DIS3L: variants seen among roughly 807,000 people sequenced by gnomAD.
DIS3L encodes the protein DIS3 like exosome 3'-5' exoribonuclease.
DIS3L carries 100 observed loss-of-function variants against 120.3 expected under a neutral mutation model. The ratio of observed to expected loss-of-function variants is 0.83; its 90% CI spans 0.71 to 0.98. The LOEUF is 0.98. Ranked by LOEUF, DIS3L falls within the 50% of genes least tolerant of loss-of-function variation. DIS3L has a pLI of 0.00. For synonymous variants in DIS3L, 426 were observed against 470.6 expected (o/e 0.91, Z 1.23); for missense variants, 1,196 against 1,314.2 (o/e 0.91, Z 1.39).
intron 14 of DIS3L, 105 bp from the exon 15 acceptor site, chr15:66,331,770 A>G: frequency 7.8e-7 from 1 of 1,274,602 alleles, no homozygotes; most frequent in South Asian, 2.4e-5. Flanking sequence ...AACAATTTTT[A>G]TATTAATAGT....
intron 3 of DIS3L, 101 bp from the exon 4 acceptor site, chr15:66,308,608 T>C (rs1174927389): frequency 1.4e-6 from 2 of 1,407,312 alleles, no homozygotes; most frequent in Non-Finnish European, 1.9e-6. Flanking sequence ...TGAATGGTTA[T>C]CTATATAGTC....
chr15:66,330,967 C>G (rs907312407), intron 14 of DIS3L, among the ~76,000 whole-genome samples: 1 of 152,088 alleles, frequency 6.6e-6, no homozygotes, highest in African/African-American at 2.4e-5. Flanking sequence ...GCAGCCTGGC[C>G]AACATGGTGA....
At chr15:66,317,259 AG>A (rs1189994606) in intron 7 of DIS3L, among the ~76,000 whole-genome samples, 1 of 151,774 alleles carries the variant, frequency 6.6e-6, no homozygotes, top group Non-Finnish European at 1.5e-5. Context: ...CTTGAAATCA[AG>A]GACTTTGCCT....
At chr15:66,296,817 C>T (rs1192240191) in intron 2 of DIS3L, among the ~76,000 whole-genome samples, 6 of 152,162 alleles carry the variant, frequency 3.9e-5, no homozygotes, top group Non-Finnish European at 5.9e-5. Flanking sequence ...CCACTGTGCC[C>T]GGCCCAAAAT....
Position 66,330,619 on chromosome 15 carries a change from A to T in DIS3L, c.2535+1220A>T, listed in dbSNP as rs1003966570. On this transcript the variant is annotated intron_variant, in intron 14 of 16. Coordinates refer to ENST00000319212, the MANE Select transcript of DIS3L (RefSeq NM_001143688.3). ...AATTTGTCTCAGTAGAAATTTGGCC[A>T]GTGTCTCAGTCACACTGGCCACATT... is the stretch of plus-strand genomic sequence containing the variant. 4 of 888,508 alleles carry T rather than the reference A, an allele frequency of 4.5e-6. No homozygotes were observed. In the African/African-American group the frequency reaches 7.2e-5, roughly 16 times the overall value. 55.0% of individuals were successfully genotyped at this position (888,508 alleles called of 1,614,324 possible).
At position 66,311,763 on chromosome 15, in the gene DIS3L, C is replaced by G. The variant is rs1288669796; in HGVS notation, c.598C>G (p.His200Asp). Reference protein sequence around the residue: ...DNFWPDLKAAHELCDSILQSR... With the variant: ...DNFWPDLKAADELCDSILQSR... ...TTTCTGGCCTGATTTAAAAGCTGCC[C>G]ACGAGCTTTGTGATTCTATCCTTCA... The change falls in exon 5 of 17, where the codon CAC (histidine) becomes GAC (aspartate). Residue 200 changes from histidine to aspartate, a missense_variant. By Grantham distance (81) the His-to-Asp change is moderately conservative (BLOSUM62 -1). Coordinates refer to ENST00000319212, the MANE Select transcript of DIS3L (RefSeq NM_001143688.3). 6.2e-7 allele frequency: 1 copy of G among 1,614,088 alleles called. No individual in the cohort carries two copies. The highest frequency in any genetic ancestry group is 1.7e-5 in the Admixed American group (1 of 60,004).
intron 2 of DIS3L, among the ~76,000 whole-genome samples, chr15:66,303,818 G>A (rs1001633268): frequency 2.0e-5 from 3 of 152,090 alleles, no homozygotes; most frequent in African/African-American, 4.8e-5. Flanking sequence ...TAGGCCGGGC[G>A]CGGTGGCTCA....
chr15:66,294,217 A>C, intron 1 of DIS3L: 1 of 985,410 alleles, frequency 1.0e-6, no homozygotes, highest in Non-Finnish European at 1.2e-6. Flanking sequence ...CTTTTCCCCC[A>C]GTGGAGAGCC....
chr15:66,293,562 C>T (rs565794629), upstream of DIS3L: 17,210 of 1,405,170 alleles, frequency 0.012, 138 homozygotes, highest in Non-Finnish European at 0.015. Flanking sequence ...CTCCGCCGCG[C>T]CCGCCACTCC....
At position 66,315,086 on chromosome 15, in the gene DIS3L, A is replaced by G. The variant is rs367595589; in HGVS notation, c.865A>G (p.Ile289Val). The G allele has an allele frequency of 8.7e-6, 14 of 1,614,030 alleles. No homozygotes were observed. The highest frequency in any genetic ancestry group is 2.2e-5 in the South Asian group (2 of 91,088). ...IHGMKARNRS[I>V]HGDVVVVELL... ...CGGGATGAAGGCTCGAAACCGCTCA[A>G]TTCATGGAGATGTGGTAGTTGTGGA... The change falls in exon 7 of 17, where the codon ATT becomes GTT. Residue 289 changes from isoleucine to valine, a missense_variant. Transcript: ENST00000319212.
chr15:66,328,833 G>A, intron 12 of DIS3L, 137 bp from the exon 13 acceptor site: 1 of 986,806 alleles, frequency 1.0e-6, no homozygotes, highest in Non-Finnish European at 1.5e-6. Flanking sequence ...TTGAAAAGAG[G>A]TGCTTCTGAA....
At position 66,298,782 on chromosome 15, in the gene DIS3L, C is replaced by T. The variant is rs542007012; in HGVS notation, c.293+3641C>T. On this transcript the variant is annotated intron_variant, in intron 2 of 16. Transcript: ENST00000319212. ...CAACTCTGTAAGGCTGTTTTGTCCA[C>T]CATGTTCATGTGTTCACATGTGTGT... 7.9e-5 allele frequency among the ~76,000 whole-genome samples: 12 copies of T among 152,330 alleles called. 1 individual carries two copies. The South Asian group carries it at 2.5e-3, about 32-fold the overall frequency.
chr15:66,329,108 G>A lies in DIS3L; in HGVS notation c.2340G>A (p.Glu780=), dbSNP rs775143293. 4 of 1,612,426 alleles carry A rather than the reference G, an allele frequency of 2.5e-6. No individual in the cohort carries two copies. In the Admixed American group the frequency reaches 5.0e-5, roughly 20 times the overall value. ...LYFSTGSCAE[E]EFHHYGLALD... ...TCTCCACCGGATCCTGTGCGGAGGA[G>A]GAGTTCCATCATTACGGTGAATCAT... The change falls in exon 13 of 17, where the codon GAG becomes GAA. Residue 780 remains glutamate, a synonymous_variant. Coordinates refer to ENST00000319212, the MANE Select transcript of DIS3L (RefSeq NM_001143688.3).
chr15:66,293,492 C>T, upstream of DIS3L: 1 of 1,236,922 alleles, frequency 8.1e-7, no homozygotes, highest in Non-Finnish European at 1.0e-6. Flanking sequence ...GCGGCAGTTA[C>T]GGCGGTTCCG....
intron 2 of DIS3L, among the ~76,000 whole-genome samples, chr15:66,298,831 C>T (rs1026637931): frequency 2.6e-5 from 4 of 152,198 alleles, no homozygotes; most frequent in Non-Finnish European, 4.4e-5. Flanking sequence ...AAATGTTCAC[C>T]AAGAGACTAT....
chr15:66,294,777 C>T (rs146882779), intron 1 of DIS3L, among the ~76,000 whole-genome samples: 93 of 152,284 alleles, frequency 6.1e-4, no homozygotes, highest in African/African-American at 2.2e-3. Flanking sequence ...CCATAAACCA[C>T]GTTGAGCTTG....
chr15:66,323,022 A>G, intron 10 of DIS3L, 88 bp downstream of exon 10: 5 of 1,489,474 alleles, frequency 3.4e-6, no homozygotes, highest in Non-Finnish European at 3.6e-6. Context: ...CAAAGATCTC[A>G]TGTTTGTGCA....
chr15:66,293,576 G>C lies in DIS3L; in HGVS notation c.-21G>C. On this transcript the variant is annotated 5_prime_UTR_variant, in exon 1 of 17. Transcript: ENST00000319212. ...CCTCCGCCGCGCCCGCCACTCCGCG[G>C]CCGCCGGGAGACACGCCGCCATGCT... The C allele has an allele frequency of 7.0e-7, 1 of 1,420,106 alleles. No homozygotes were observed. Among genetic ancestry groups the C allele is most frequent in the Non-Finnish European group, 9.2e-7 (1 of 1,086,088 alleles). The allele number at this position is 1,420,106 out of a possible 1,614,324, so 88.0% of individuals were successfully genotyped here. A position where few individuals can be genotyped will look rare whatever the true frequency, so the allele number is the denominator to read the frequency against.
At chr15:66,324,753 A>G (rs528255145) in intron 11 of DIS3L, among the ~76,000 whole-genome samples, 1 of 152,318 alleles carries the variant, frequency 6.6e-6, no homozygotes, top group South Asian at 2.1e-4. Flanking sequence ...AAATAAAGCT[A>G]ACCATTTTTT....
Sources: allele counts gnomAD v4.1 joint callset (sites outside exome capture counted in the v4.1 genomes callset), GRCh38; gene constraint gnomAD v4.1.1; transcripts MANE v1.5; gene names NCBI Gene and HGNC (gene_info 2026-07-23, HGNC 2026-07-21).